Variants in CHODL observed in about 807,000 individuals in gnomAD.
CHODL encodes the protein chondrolectin.
A neutral mutation model predicts 34.5 loss-of-function variants in CHODL; 29 were observed. The observed-to-expected ratio is 0.84, with a 90% CI of 0.63 to 1.15. CHODL has a LOEUF of 1.15. Among genes scored for constraint, CHODL ranks in the 50% most tolerant of loss-of-function variants. The pLI is 0.00. For synonymous variants in CHODL, 125 were observed against 116.1 expected, an observed-to-expected ratio of 1.08 and a Z score of -0.49; for missense variants, 332 against 332.5, an observed-to-expected ratio of 1.00 and a Z score of 0.01.
intron 2 of CHODL, among the ~76,000 whole-genome samples, chr21:18,150,235 G>GC (rs1383837812): frequency 1.3e-5 from 2 of 152,150 alleles, no homozygotes; most frequent in African/African-American, 4.8e-5. Context: ...TACATAGGAA[G>GC]CCTTCAGGTA....
At chr21:18,249,105 TA>T (rs1222072988) in intron 1 of CHODL, among the ~76,000 whole-genome samples, 2 of 126,062 alleles carry the variant, frequency 1.6e-5, no homozygotes, top group Non-Finnish European at 3.1e-5. Context: ...ATATATATAA[TA>T]ATATATATAT....
At chr21:18,093,256 G>GC (rs2065096099) in intron 2 of CHODL, among the ~76,000 whole-genome samples, 1 of 152,126 alleles carries the variant, frequency 6.6e-6, no homozygotes, top group East Asian at 1.9e-4. Context: ...CTTTAAGCAT[G>GC]AATGAGGTGT....
At position 18,262,837 on chromosome 21, in the gene CHODL, G is replaced by A. The variant is rs1369457866; in HGVS notation, c.681G>A (p.Leu227=). The A allele has an allele frequency of 6.2e-7, 1 of 1,610,360 alleles. No homozygotes were observed. Among genetic ancestry groups the A allele is most frequent in the Admixed American group, 1.7e-5 (1 of 59,996 alleles). The change falls in exon 5 of 6, where the codon CTG becomes CTA. Residue 227 remains leucine (L), a synonymous_variant. Coordinates refer to ENST00000299295, the MANE Select transcript of CHODL (RefSeq NM_024944.3). ...ATGTTGTTATACCAACAATACCCCTGCTCTTACTGATACTGGTTGCTTTTG... is the reference window on the plus strand; with the variant it reads ...ATGTTGTTATACCAACAATACCCCTACTCTTACTGATACTGGTTGCTTTTG... The part of the protein sequence containing the change: ...LIYVVIPTIP[L]LLLILVAFGT...
chr21:18,026,254 A>G (rs2064174231), intron 1 of CHODL, among the ~76,000 whole-genome samples: 3 of 152,218 alleles, frequency 2.0e-5, no homozygotes, highest in African/African-American at 7.2e-5. Context: ...CACATTTGCT[A>G]CTAAAGATCA....
intron 2 of CHODL, among the ~76,000 whole-genome samples, chr21:18,208,178 T>C (rs2073734188): frequency 6.6e-6 from 1 of 151,004 alleles, no homozygotes; most frequent in East Asian, 1.9e-4. Context: ...CTTCTTTTTT[T>C]TTTTTGGTCT....
chr21:18,008,188 A>G (rs1374526220), intron 1 of CHODL, among the ~76,000 whole-genome samples: 1 of 151,988 alleles, frequency 6.6e-6, no homozygotes, highest in Non-Finnish European at 1.5e-5. Flanking sequence ...TACTTGATAT[A>G]CAGAAAAGTG....
chr21:18,264,601 CAAAAAAA>C (rs564344974), intron 5 of CHODL, among the ~76,000 whole-genome samples: 3 of 68,838 alleles, frequency 4.4e-5, no homozygotes, highest in Admixed American at 1.8e-4. Context: ...GGGTCTGTCT[CAAAAAAA>C]AAAAAAAAAA....
intron 1 of CHODL, among the ~76,000 whole-genome samples, chr21:17,982,366 T>G (rs1258048025): frequency 6.6e-6 from 1 of 152,200 alleles, no homozygotes; most frequent in Non-Finnish European, 1.5e-5. Flanking sequence ...CTAAAGGGGT[T>G]TTCATAAATG....
chr21:18,036,591 G>A (rs904295362), intron 2 of CHODL, among the ~76,000 whole-genome samples: 20 of 151,906 alleles, frequency 1.3e-4, no homozygotes, highest in African/African-American at 4.8e-4. Context: ...GTCTTCTTTT[G>A]TTTATTTTCT....
chr21:18,226,353 T>G (rs752994378), intron 2 of CHODL, among the ~76,000 whole-genome samples: 56 of 152,142 alleles, frequency 3.7e-4, no homozygotes, highest in Non-Finnish European at 7.2e-4. Context: ...CAGGCTGGAG[T>G]GTAGTGGCGT....
Position 18,171,198 on chromosome 21 carries a change from G to GTTCTTTTTTTTTTTTTTTT in CHODL, c.-44-85309_-44-85308insCTTTTTTTTTTTTTTTTTT, listed in dbSNP as rs1333481522. 9.8e-3 allele frequency among the ~76,000 whole-genome samples: 365 copies of GTTCTTTTTTTTTTTTTTTT among 37,068 alleles called. 163 individuals are homozygous for GTTCTTTTTTTTTTTTTTTT. Among genetic ancestry groups the GTTCTTTTTTTTTTTTTTTT allele is most frequent in the Middle Eastern group, 0.056 (1 of 18 alleles). 24.3% of individuals were successfully genotyped at this position (37,068 alleles called of 152,430 possible). ...TGTTCTTCAGACATGGTTTTCTTTAGTTTTTTTTTTTTTTTTTTTGAGACG... is the reference window on the plus strand; with the variant it reads ...TGTTCTTCAGACATGGTTTTCTTTAGTTCTTTTTTTTTTTTTTTTTTTTTTTTTTTTTTTTTTTGAGACG... On this transcript the variant is annotated intron_variant, in intron 2 of 6. Transcript: ENST00000400127.
intron 5 of CHODL, among the ~76,000 whole-genome samples, chr21:18,263,216 T>C (rs1443491998): frequency 4.6e-5 from 7 of 152,176 alleles, no homozygotes; most frequent in Non-Finnish European, 7.4e-5. Context: ...ACTTCCAACA[T>C]ATGCACTATA....
intron 1 of CHODL, among the ~76,000 whole-genome samples, chr21:17,932,698 C>T (rs982781193): frequency 2.0e-5 from 3 of 152,170 alleles, no homozygotes; most frequent in Non-Finnish European, 2.9e-5. Flanking sequence ...AAGTGAAAAA[C>T]TGCAATGGAA....
rs1266850230 is a variant in CHODL at position 18,195,027 on chromosome 21, CATTA to C, written c.-44-61481_-44-61478del. Among the ~76,000 whole-genome samples the C allele has an allele frequency of 9.4e-3, 1,272 of 135,696 alleles. 17 individuals carry two copies. Among genetic ancestry groups the C allele is most frequent in the African/African-American group, 0.032 (1,170 of 36,208 alleles). 89.0% of individuals were successfully genotyped at this position (135,696 alleles called of 152,430 possible). A position where few individuals can be genotyped will look rare whatever the true frequency, so the allele number is the denominator to read the frequency against. On this transcript the variant is annotated intron_variant, in intron 2 of 6. Transcript: ENST00000400127. ...ACAATACATTGTTATTAATACAATA[CATTA>C]TTTATTTATTTATTTATTTATTTAT...
At chr21:17,983,910 T>A (rs1568829940) in intron 1 of CHODL, among the ~76,000 whole-genome samples, 1 of 81,546 alleles carries the variant, frequency 1.2e-5, no homozygotes, top group Non-Finnish European at 2.5e-5. Flanking sequence ...CAAGTGTGTG[T>A]GTGGGGGGGG....
chr21:18,060,893 G>A (rs2064655398), intron 2 of CHODL, among the ~76,000 whole-genome samples: 1 of 152,070 alleles, frequency 6.6e-6, no homozygotes, highest in African/African-American at 2.4e-5. Flanking sequence ...AGGGTCAAGC[G>A]ACTAGGAAAG....
intron 2 of CHODL, among the ~76,000 whole-genome samples, chr21:18,031,490 G>C (rs1401220936): frequency 6.6e-6 from 1 of 152,084 alleles, no homozygotes; most frequent in Admixed American, 6.6e-5. Context: ...ATATGACCCA[G>C]CTGGGGCAGG....
At chr21:17,984,604 A>G (rs1600858495) in intron 1 of CHODL, among the ~76,000 whole-genome samples, 1 of 151,822 alleles carries the variant, frequency 6.6e-6, no homozygotes, top group Non-Finnish European at 1.5e-5. Context: ...TCTTTTGTAC[A>G]TGACTTTTTT....
intron 2 of CHODL, among the ~76,000 whole-genome samples, chr21:18,132,445 C>T (rs1260027686): frequency 6.6e-6 from 1 of 152,108 alleles, no homozygotes; most frequent in Non-Finnish European, 1.5e-5. Flanking sequence ...GGCACTCAGC[C>T]TGATAAAAGT....
Sources: allele counts gnomAD v4.1 joint callset (sites outside exome capture counted in the v4.1 genomes callset), GRCh38; gene constraint gnomAD v4.1.1; transcripts MANE v1.5; gene names NCBI Gene and HGNC (gene_info 2026-07-23, HGNC 2026-07-21).